Variants in CSMD3 observed in about 807,000 individuals in gnomAD.
CSMD3 encodes CUB and Sushi multiple domains 3.
In CSMD3, 177 loss-of-function variants were observed where a neutral mutation model predicts 435.2. The observed-to-expected ratio is 0.41, with a 90% CI of 0.36 to 0.46. The LOEUF (loss-of-function observed/expected upper bound fraction) is 0.46, where lower values mean the gene tolerates loss of function less well. CSMD3 is among the 20% of genes least tolerant of loss of function. CSMD3 has a pLI of 0.34. For synonymous variants in CSMD3, 1,656 were observed against 1,520.5 expected (o/e 1.09, Z -2.07); for missense variants, 4,265 against 4,504.6 (o/e 0.95, Z 1.52).
intron 13 of CSMD3, among the ~76,000 whole-genome samples, chr8:112,755,331 A>AAATAATAATGAT (rs1409652814): frequency 5.3e-4 from 68 of 128,732 alleles, no homozygotes; most frequent in African/African-American, 2.1e-3. Context: ...ACTCCGTCTC[A>AAATAATAATGAT]AATAATAATA....
At position 112,462,448 on chromosome 8, in the gene CSMD3, A is replaced by T. The variant is rs562875783; in HGVS notation, c.5395+10143T>A. On this transcript the variant is annotated intron_variant, in intron 32 of 70. Coordinates refer to ENST00000297405, the MANE Select transcript of CSMD3 (RefSeq NM_198123.2). ...AATTATTAAGCATAACTTATTTTCT[A>T]TAACTGCCTTACAGCAGCAGAAATA... Among the ~76,000 whole-genome samples the T allele has an allele frequency of 3.3e-5, 5 of 152,342 alleles. No homozygotes were observed. In the South Asian group the frequency reaches 6.2e-4, roughly 19 times the overall value.
intron 13 of CSMD3, among the ~76,000 whole-genome samples, chr8:112,692,919 ATC>A (rs1232639367): frequency 4.1e-5 from 2 of 49,250 alleles, no homozygotes; most frequent in Admixed American, 2.0e-4. Context: ...CTTTATATCT[ATC>A]TATCTATCTA....
chr8:113,336,358 C>T (rs746105976), intron 1 of CSMD3, among the ~76,000 whole-genome samples: 3 of 150,236 alleles, frequency 2.0e-5, no homozygotes, highest in Non-Finnish European at 4.4e-5. Flanking sequence ...TGCTGTTTGT[C>T]GAGGCATTTT....
chr8:112,435,608 T>G (rs7015003), intron 32 of CSMD3, among the ~76,000 whole-genome samples: 37,469 of 151,858 alleles, frequency 0.25, 5,194 homozygotes, highest in African/African-American at 0.37. Context: ...ACTAATGAAC[T>G]TGGGTATGAT....
intron 27 of CSMD3, among the ~76,000 whole-genome samples, chr8:112,545,672 T>C (rs1215571108): frequency 6.6e-6 from 1 of 151,978 alleles, no homozygotes; most frequent in Non-Finnish European, 1.5e-5. Context: ...GAGAAATAGA[T>C]ACAAGTTATT....
intron 5 of CSMD3, among the ~76,000 whole-genome samples, chr8:113,047,186 A>T (rs79233997): frequency 0.01 from 1,531 of 152,244 alleles, 21 homozygotes; most frequent in African/African-American, 0.035. Flanking sequence ...TTCCCCATTA[A>T]CACTTACCAC....
intron 45 of CSMD3, among the ~76,000 whole-genome samples, chr8:112,332,048 C>T (rs1824117633): frequency 1.3e-5 from 2 of 151,998 alleles, no homozygotes; most frequent in African/African-American, 4.8e-5. Flanking sequence ...TAACACTGCT[C>T]AAATAAATGC....
intron 1 of CSMD3, among the ~76,000 whole-genome samples, chr8:113,317,397 T>C (rs940361222): frequency 1.1e-4 from 16 of 152,144 alleles, no homozygotes; most frequent in Admixed American, 5.9e-4. Context: ...ATAACCCTGA[T>C]AGTTTTAGAA....
At chr8:112,887,667 C>T (rs1039464689) in intron 10 of CSMD3, among the ~76,000 whole-genome samples, 2 of 150,824 alleles carry the variant, frequency 1.3e-5, no homozygotes, top group African/African-American at 4.9e-5. Flanking sequence ...ATAGTGCATA[C>T]CACTTTAAAG....
intron 30 of CSMD3, 45 bp downstream of exon 30, chr8:112,503,745 T>C (rs1274838592): frequency 2.2e-6 from 3 of 1,377,534 alleles, no homozygotes; most frequent in Non-Finnish European, 3.1e-6. Context: ...GTATAAAATA[T>C]CTATAATTTA....
At chr8:113,318,715 T>G (rs1198324931) in intron 1 of CSMD3, among the ~76,000 whole-genome samples, 1 of 151,910 alleles carries the variant, frequency 6.6e-6, no homozygotes, top group Non-Finnish European at 1.5e-5. Context: ...TTATTTCACT[T>G]AGCATAATGT....
intron 1 of CSMD3, among the ~76,000 whole-genome samples, chr8:113,343,404 A>C (rs1346159704): frequency 6.6e-6 from 1 of 152,216 alleles, no homozygotes; most frequent in African/African-American, 2.4e-5. Context: ...AATTGAAAAC[A>C]TATCAATACA....
intron 2 of CSMD3, among the ~76,000 whole-genome samples, chr8:113,297,462 A>AT (rs2093731184): frequency 6.7e-6 from 1 of 149,708 alleles, no homozygotes. Context: ...TAACAATTTG[A>AT]TGCAGTAGTA....
intron 5 of CSMD3, among the ~76,000 whole-genome samples, chr8:113,079,535 C>A (rs2089472316): frequency 6.6e-6 from 1 of 151,976 alleles, no homozygotes; most frequent in Admixed American, 6.6e-5. Flanking sequence ...GAGGTTGCAT[C>A]ATGAGTTTCA....
At chr8:112,231,388 A>G (rs984442867) in intron 69 of CSMD3, among the ~76,000 whole-genome samples, 157 bp downstream of exon 69, 3 of 152,162 alleles carry the variant, frequency 2.0e-5, no homozygotes, top group Non-Finnish European at 4.4e-5. Flanking sequence ...GAAGAATGTG[A>G]TTATTTAAAA....
rs150136110 is a variant in CSMD3, at chr8:112,920,845, T to C, written c.1633+782A>G. On this transcript the variant is annotated intron_variant, in intron 10 of 70. Transcript: ENST00000297405. ...ACAAAATGTCACTTGCCTTTCATAA[T>C]ATTTTCTTCTATATTTAAAATTGTC... Among the ~76,000 whole-genome samples the C allele has an allele frequency of 3.1e-3, 476 of 151,694 alleles. 4 individuals are homozygous for C. The highest frequency in any genetic ancestry group is 9.9e-3 in the African/African-American group (409 of 41,384).
intron 32 of CSMD3, among the ~76,000 whole-genome samples, chr8:112,413,472 T>C (rs780229740): frequency 9.9e-5 from 15 of 152,218 alleles, no homozygotes; most frequent in Non-Finnish European, 2.1e-4. Context: ...ATTTGCTTAA[T>C]TAAGCCATCC....
intron 32 of CSMD3, among the ~76,000 whole-genome samples, chr8:112,440,814 G>A (rs1489178444): frequency 6.6e-6 from 1 of 152,184 alleles, no homozygotes; most frequent in Non-Finnish European, 1.5e-5. Flanking sequence ...GAAGCAGCTG[G>A]GATGCAGGTC....
intron 27 of CSMD3, among the ~76,000 whole-genome samples, chr8:112,530,029 C>T (rs1825369625): frequency 6.6e-6 from 1 of 151,890 alleles, no homozygotes; most frequent in Non-Finnish European, 1.5e-5. Flanking sequence ...TGAAAAATAA[C>T]TAGCGAGGTC....
Sources: gnomAD v4.1 joint callset for allele counts (sites outside exome capture counted in the v4.1 genomes callset) on GRCh38, gnomAD v4.1.1 for gene constraint, MANE v1.5 for transcripts, NCBI Gene and HGNC (gene_info 2026-07-23, HGNC 2026-07-21) for gene names.